Variants in SEMA3E observed in about 807,000 individuals in gnomAD.
The protein encoded by SEMA3E is semaphorin 3E.
In SEMA3E, 49 loss-of-function variants were observed where a neutral mutation model predicts 93.6. That is an observed-to-expected ratio of 0.52 (90% CI 0.42 to 0.66). The LOEUF is 0.66. SEMA3E is among the 30% of genes least tolerant of loss of function. The pLI is 0.00. For missense variants in SEMA3E, 906 were observed against 964.8 expected, an observed-to-expected ratio of 0.94 and a Z score of 0.81; for synonymous variants, 363 against 330.7, an observed-to-expected ratio of 1.10 and a Z score of -1.06.
intron 1 of SEMA3E, among the ~76,000 whole-genome samples, chr7:83,540,687 G>A (rs929228323): frequency 4.6e-5 from 7 of 152,196 alleles, no homozygotes; most frequent in Non-Finnish European, 1.0e-4. Context: ...AAATAAAGAT[G>A]TAGGTTCCTT....
chr7:83,555,992 T>C (rs948718707), intron 1 of SEMA3E, among the ~76,000 whole-genome samples: 2 of 152,192 alleles, frequency 1.3e-5, no homozygotes, highest in Non-Finnish European at 2.9e-5. Flanking sequence ...CTCCATATAA[T>C]TGCCCTTAAT....
intron 2 of SEMA3E, among the ~76,000 whole-genome samples, chr7:83,478,243 A>G (rs1290458812): frequency 1.3e-5 from 2 of 152,152 alleles, no homozygotes; most frequent in East Asian, 3.9e-4. Flanking sequence ...TTTAAATTAT[A>G]GTAGTGAGAA....
intron 1 of SEMA3E, among the ~76,000 whole-genome samples, chr7:83,590,868 C>T (rs1792743956): frequency 6.6e-6 from 1 of 152,030 alleles, no homozygotes. Context: ...ATAACCTTCC[C>T]ATATGTTAAC....
At chr7:83,455,335 T>A (rs1218977849) in intron 4 of SEMA3E, among the ~76,000 whole-genome samples, 1 of 152,186 alleles carries the variant, frequency 6.6e-6, no homozygotes. Flanking sequence ...ATTCATCCCT[T>A]AATCTTTGCA....
intron 1 of SEMA3E, among the ~76,000 whole-genome samples, chr7:83,510,495 T>C (rs1015204082): frequency 6.6e-6 from 1 of 152,184 alleles, no homozygotes; most frequent in African/African-American, 2.4e-5. Context: ...CCAGTAGATA[T>C]ATACTAATAT....
At chr7:83,568,603 G>A (rs200595774) in intron 1 of SEMA3E, among the ~76,000 whole-genome samples, 2 of 151,932 alleles carry the variant, frequency 1.3e-5, no homozygotes, top group Admixed American at 1.3e-4. Flanking sequence ...ACATAACATC[G>A]GTAGAATGAA....
intron 1 of SEMA3E, among the ~76,000 whole-genome samples, chr7:83,537,977 A>T (rs78158798): frequency 6.6e-6 from 1 of 152,128 alleles, no homozygotes; most frequent in Admixed American, 6.6e-5. Context: ...ATCATATGGT[A>T]TGTGAACTTT....
chr7:83,449,085 A>T (rs1043334627), intron 4 of SEMA3E, among the ~76,000 whole-genome samples: 6 of 131,452 alleles, frequency 4.6e-5, no homozygotes, highest in African/African-American at 1.0e-4. Flanking sequence ...TTTATTTTTT[A>T]AATTTTATTT....
At position 83,403,512 on chromosome 7, in the gene SEMA3E, T is replaced by C. The variant is rs139886217; in HGVS notation, c.999-736A>G. 2.8e-3 allele frequency among the ~76,000 whole-genome samples: 424 copies of C among 152,114 alleles called. 2 individuals are homozygous for C. The highest frequency in any genetic ancestry group is 8.4e-3 in the African/African-American group (348 of 41,562). ...CAAGTTTTATTGAAGATATTTGTAA[T>C]CAGATTCTACAAAAGGACATTTTTA... On this transcript the variant is annotated intron_variant, in intron 9 of 16. Transcript: ENST00000643230.
At chr7:83,576,269 G>A (rs911384688) in intron 1 of SEMA3E, among the ~76,000 whole-genome samples, 3 of 151,972 alleles carry the variant, frequency 2.0e-5, no homozygotes, top group Non-Finnish European at 4.4e-5. Context: ...ATCTATCAAC[G>A]GAGTTAAGAC....
chr7:83,416,394 CCT>C (rs559097713), intron 5 of SEMA3E, among the ~76,000 whole-genome samples: 67 of 152,044 alleles, frequency 4.4e-4, no homozygotes, highest in African/African-American at 1.2e-3. Context: ...TAATATTTCC[CCT>C]CTTAGAAATT....
At chr7:83,495,632 GAAA>G (rs1040816854) in intron 1 of SEMA3E, among the ~76,000 whole-genome samples, 1 of 151,652 alleles carries the variant, frequency 6.6e-6, no homozygotes, top group Non-Finnish European at 1.5e-5. Flanking sequence ...TTAATATGTT[GAAA>G]AAAACTATTT....
intron 1 of SEMA3E, among the ~76,000 whole-genome samples, chr7:83,590,548 G>A (rs141937164): frequency 6.6e-6 from 1 of 152,254 alleles, no homozygotes; most frequent in Non-Finnish European, 1.5e-5. Flanking sequence ...AAGCAAATTA[G>A]GTAATTCCAT....
intron 1 of SEMA3E, among the ~76,000 whole-genome samples, chr7:83,555,328 T>C (rs907794928): frequency 6.6e-6 from 1 of 152,200 alleles, no homozygotes; most frequent in African/African-American, 2.4e-5. Flanking sequence ...CTAAATCTAT[T>C]TTTTAAATGT....
intron 4 of SEMA3E, among the ~76,000 whole-genome samples, chr7:83,458,216 T>C (rs970459041): frequency 1.3e-5 from 2 of 151,722 alleles, no homozygotes; most frequent in Non-Finnish European, 2.9e-5. Flanking sequence ...GGTAATTATG[T>C]GATATAAAGT....
At chr7:83,480,554 T>C (rs1584277710) in intron 2 of SEMA3E, among the ~76,000 whole-genome samples, 2 of 152,176 alleles carry the variant, frequency 1.3e-5, no homozygotes, top group Non-Finnish European at 2.9e-5. Flanking sequence ...GTTGTGTAAA[T>C]AGTGGGTTGG....
chr7:83,372,033 A>C, intron 16 of SEMA3E: 1 of 372,208 alleles, frequency 2.7e-6, no homozygotes, highest in Non-Finnish European at 4.8e-6. Flanking sequence ...CTATTTCTTT[A>C]TTCTTCTGAA....
intron 1 of SEMA3E, among the ~76,000 whole-genome samples, chr7:83,521,574 G>A (rs1415294846): frequency 2.0e-5 from 3 of 152,138 alleles, no homozygotes; most frequent in Non-Finnish European, 4.4e-5. Flanking sequence ...ACCATAAACT[G>A]GGTGGCTAAA....
chr7:83,648,699 T>C lies in SEMA3E; in HGVS notation c.-157A>G. On this transcript the variant is annotated 5_prime_UTR_variant, in exon 1 of 17. Coordinates refer to ENST00000643230, the MANE Select transcript of SEMA3E (RefSeq NM_012431.3). ...AGTTCCGAAGTGCCATTTGTCAGGC[T>C]GTATTTGGCTATGTAAAACCTTTCT... 1.4e-6 allele frequency: 1 copy of C among 698,316 alleles called. No individual in the cohort carries two copies. Among genetic ancestry groups the C allele is most frequent in the Non-Finnish European group, 2.6e-6 (1 of 378,984 alleles). The allele number at this position is 698,316 out of a possible 1,614,324, so 43.3% of individuals were successfully genotyped here.
Sources: allele counts gnomAD v4.1 joint callset (sites outside exome capture counted in the v4.1 genomes callset), GRCh38; gene constraint gnomAD v4.1.1; transcripts MANE v1.5; gene names NCBI Gene and HGNC (gene_info 2026-07-23, HGNC 2026-07-21).